DGKI: variants seen among roughly 807,000 people sequenced by gnomAD.
DGKI encodes the protein diacylglycerol kinase iota, also known as DAG kinase iota.
A neutral mutation model predicts 147.5 loss-of-function variants in DGKI; 55 were observed. That is an observed-to-expected ratio of 0.37 (90% CI 0.30 to 0.47). The LOEUF (loss-of-function observed/expected upper bound fraction) is 0.47. Among genes scored for constraint, DGKI ranks in the 20% least tolerant of loss-of-function variants. The pLI is 1.00. For synonymous variants in DGKI, 469 were observed against 477.1 expected (o/e 0.98, Z 0.22); for missense variants, 1,007 against 1,323.8 (o/e 0.76, Z 3.71).
In DGKI at chr7:137,388,556, T is replaced by C. The variant is rs1217226055; in HGVS notation, c.*2664A>G. ...GACTAGATCACTTGCTTTCCTGATG[T>C]CCTAATAGTAGGGATACAATATACT... On this transcript the variant is annotated 3_prime_UTR_variant, in exon 33 of 33. Transcript: ENST00000614521. The C allele has an allele frequency of 6.6e-6, 1 of 152,184 alleles. No homozygotes were observed. Among genetic ancestry groups the C allele is most frequent in the Non-Finnish European group, 1.5e-5 (1 of 68,042 alleles). The allele number at this position is 152,184 out of a possible 1,614,324, so 9.4% of individuals were successfully genotyped here.
At chr7:137,701,871 A>C (rs1823996519) in intron 1 of DGKI, among the ~76,000 whole-genome samples, 1 of 152,206 alleles carries the variant, frequency 6.6e-6, no homozygotes, top group Admixed American at 6.5e-5. Flanking sequence ...TCGATAAAAA[A>C]GAAAAAGTTG....
intron 1 of DGKI, among the ~76,000 whole-genome samples, chr7:137,726,140 C>T (rs1049413848): frequency 1.3e-5 from 2 of 152,158 alleles, no homozygotes; most frequent in Admixed American, 1.3e-4. Flanking sequence ...TGGTCCTTCT[C>T]CCCTCTCAGG....
At chr7:137,474,124 T>C (rs984931670) in intron 23 of DGKI, among the ~76,000 whole-genome samples, 5 of 152,182 alleles carry the variant, frequency 3.3e-5, no homozygotes, top group Non-Finnish European at 7.3e-5. Context: ...ACGTTAAAAG[T>C]CATTTGAATT....
intron 20 of DGKI, among the ~76,000 whole-genome samples, chr7:137,549,775 GAAGACCTTAGATTTCAAA>G (rs1817984113): frequency 2.0e-5 from 3 of 152,286 alleles, no homozygotes; most frequent in Non-Finnish European, 4.4e-5. Flanking sequence ...AAATCTAGTG[GAAGACCTTAGATTTCAAA>G]ACAAGGTTTT....
chr7:137,409,048 G>T (rs1411301248), intron 29 of DGKI, among the ~76,000 whole-genome samples: 1 of 152,166 alleles, frequency 6.6e-6, no homozygotes, highest in Non-Finnish European at 1.5e-5. Context: ...CCATACCATT[G>T]TAGGATGACT....
In DGKI at chr7:137,638,581, TATACACATATATAC is replaced by T. The variant is rs1488547084; in HGVS notation, c.804+6877_804+6890del. On this transcript the variant is annotated intron_variant, in intron 6 of 32. Transcript: ENST00000614521. ...ATATATATACACACATATATGTATATATACACATATATACATATATGTATATATATACACACACA... is the reference window on the plus strand; with the variant it reads ...ATATATATACACACATATATGTATATATATATGTATATATATACACACACA... 2.1e-4 allele frequency among the ~76,000 whole-genome samples: 17 copies of T among 82,700 alleles called. 1 individual carries two copies. Among genetic ancestry groups the T allele is most frequent in the South Asian group, 4.6e-4 (1 of 2,174 alleles). 54.3% of individuals were successfully genotyped at this position (82,700 alleles called of 152,430 possible). A position where few individuals can be genotyped will look rare whatever the true frequency, so the allele number is the denominator to read the frequency against.
intron 27 of DGKI, among the ~76,000 whole-genome samples, chr7:137,444,722 T>G (rs1316579500): frequency 3.3e-5 from 5 of 152,224 alleles, no homozygotes; most frequent in Admixed American, 2.6e-4. Context: ...TATATGTGAG[T>G]TCTGCTTTAA....
intron 19 of DGKI, among the ~76,000 whole-genome samples, chr7:137,557,141 C>T (rs1470229931): frequency 2.0e-5 from 3 of 152,166 alleles, no homozygotes; most frequent in Non-Finnish European, 4.4e-5. Flanking sequence ...TCACAATTCA[C>T]GTGAGAATAA....
chr7:137,827,890 T>C (rs1016814899), intron 1 of DGKI, among the ~76,000 whole-genome samples: 1 of 152,224 alleles, frequency 6.6e-6, no homozygotes, highest in Non-Finnish European at 1.5e-5. Context: ...GAGTATGTTT[T>C]CTCCATTCAA....
intron 3 of DGKI, 146 bp from the exon 4 acceptor site, chr7:137,656,686 C>G: frequency 1.3e-6 from 1 of 759,402 alleles, no homozygotes; most frequent in South Asian, 2.0e-5. Context: ...TTTAAAACTT[C>G]ATCTTAAATA....
intron 23 of DGKI, among the ~76,000 whole-genome samples, chr7:137,472,477 T>C (rs1009338349): frequency 7.0e-6 from 1 of 142,540 alleles, no homozygotes; most frequent in African/African-American, 2.6e-5. Flanking sequence ...TATATATACA[T>C]ATATATTATA....
chr7:137,736,720 T>C (rs1297493846), intron 1 of DGKI, among the ~76,000 whole-genome samples: 1 of 152,024 alleles, frequency 6.6e-6, no homozygotes, highest in Non-Finnish European at 1.5e-5. Flanking sequence ...GTTACAAAAA[T>C]AGCATAATTT....
intron 3 of DGKI, among the ~76,000 whole-genome samples, chr7:137,658,206 A>G (rs1822292608): frequency 6.6e-6 from 1 of 152,212 alleles, no homozygotes; most frequent in African/African-American, 2.4e-5. Flanking sequence ...GAACAAGAAA[A>G]CATACAGTAG....
At chr7:137,714,084 G>C (rs1334300948) in intron 1 of DGKI, among the ~76,000 whole-genome samples, 1 of 152,054 alleles carries the variant, frequency 6.6e-6, no homozygotes, top group African/African-American at 2.4e-5. Flanking sequence ...TAATTTATTT[G>C]AATGTAGAAA....
chr7:137,451,803 C>A, intron 27 of DGKI, among the ~76,000 whole-genome samples: 1 of 152,260 alleles, frequency 6.6e-6, no homozygotes, highest in Admixed American at 6.5e-5. Context: ...CTTTTCATTT[C>A]AATAACACTG....
chr7:137,588,475 C>CTTTTTTTTTTTTTT lies in DGKI; in HGVS notation c.1312-1279_1312-1266dup, dbSNP rs71533759. On this transcript the variant is annotated intron_variant, in intron 12 of 32. Transcript: ENST00000614521. ...TAACACAAAGATGGACATACCGATG[C>CTTTTTTTTTTTTTT]TTTTTTTTTTTTTTTTTTTGAGATG... Among the ~76,000 whole-genome samples the CTTTTTTTTTTTTTT allele has an allele frequency of 1.5e-4, 18 of 116,690 alleles. 1 individual carries two copies. Among genetic ancestry groups the CTTTTTTTTTTTTTT allele is most frequent in the African/African-American group, 5.1e-4 (14 of 27,470 alleles). The allele number at this position is 116,690 out of a possible 152,430, so 76.6% of individuals were successfully genotyped here. A position where few individuals can be genotyped will look rare whatever the true frequency, so the allele number is the denominator to read the frequency against.
intron 1 of DGKI, among the ~76,000 whole-genome samples, chr7:137,825,885 C>T (rs1798044534): frequency 6.6e-6 from 1 of 152,142 alleles, no homozygotes. Context: ...GTGGGACACA[C>T]TTTTTTTCAT....
At chr7:137,783,361 A>G (rs1796577564) in intron 1 of DGKI, among the ~76,000 whole-genome samples, 2 of 152,258 alleles carry the variant, frequency 1.3e-5, no homozygotes, top group Admixed American at 1.3e-4. Flanking sequence ...AGAATCAAAC[A>G]AACAGAAGGA....
chr7:137,522,794 G>A (rs190650254), intron 20 of DGKI, among the ~76,000 whole-genome samples: 39 of 152,132 alleles, frequency 2.6e-4, no homozygotes, highest in African/African-American at 8.4e-4. Flanking sequence ...GAATAATTTG[G>A]TTTTCATCAC....
Sources: gnomAD v4.1 joint callset for allele counts (sites outside exome capture counted in the v4.1 genomes callset) on GRCh38, gnomAD v4.1.1 for gene constraint, MANE v1.5 for transcripts, NCBI Gene and HGNC (gene_info 2026-07-23, HGNC 2026-07-21) for gene names.